Variants in PDGFRL observed in about 807,000 individuals in gnomAD.
The protein encoded by PDGFRL is platelet-derived growth factor receptor-like protein.
Under a neutral mutation model 37.2 loss-of-function variants are expected in PDGFRL, and 46 were observed. The observed-to-expected ratio is 1.24, with a 90% CI of 0.98 to 1.58. PDGFRL has a LOEUF of 1.58. Ranked by LOEUF, PDGFRL falls within the 40% of genes most tolerant of loss-of-function variation. PDGFRL has a pLI of 0.00. For missense variants in PDGFRL, 692 were observed against 467.6 expected (o/e 1.48, Z -4.43); for synonymous variants, 251 against 184.3 (o/e 1.36, Z -2.93).
Position 17,642,692 on chromosome 8 carries a change from G to A in PDGFRL, c.1019G>A (p.Ser340Asn). The A allele has an allele frequency of 6.2e-7, 1 of 1,603,462 alleles. No homozygotes were observed. Among genetic ancestry groups the A allele is most frequent in the Non-Finnish European group, 8.5e-7 (1 of 1,170,192 alleles). The change falls in exon 6 of 6, where the codon AGT (serine) becomes AAT (asparagine). Residue 340 changes from serine (S) to asparagine (N), a missense_variant. Ser to Asn is a conservative substitution (Grantham distance 46). Coordinates refer to ENST00000251630, the MANE Select transcript of PDGFRL (RefSeq NM_001372073.1). ...GGACACACCACGAGAATCTCCCAGA[G>A]TGTCATTACAGTGGAAGACTTTGAG... ...GLGHTTRISQ[S>N]VITVEDFETI...
intron 2 of PDGFRL, among the ~76,000 whole-genome samples, chr8:17,606,481 C>T (rs1247527222): frequency 1.3e-5 from 2 of 152,190 alleles, no homozygotes. Flanking sequence ...TAATACTTGC[C>T]TTCAAATGGT....
At chr8:17,640,528 C>G (rs981719238) in intron 5 of PDGFRL, among the ~76,000 whole-genome samples, 10 of 152,230 alleles carry the variant, frequency 6.6e-5, no homozygotes, top group Admixed American at 3.3e-4. Flanking sequence ...GAGAGCCAAA[C>G]TGCAGTGATT....
At chr8:17,576,483 A>G (rs1803582319), upstream of PDGFRL, 1 of 154,322 alleles carries the variant, frequency 6.5e-6, no homozygotes, top group East Asian at 1.9e-4. Context: ...GTGCCGCCTA[A>G]TCATGCCTAG....
At chr8:17,613,165 C>G (rs2129727961) in intron 2 of PDGFRL, among the ~76,000 whole-genome samples, 1 of 152,248 alleles carries the variant, frequency 6.6e-6, no homozygotes, top group Non-Finnish European at 1.5e-5. Flanking sequence ...GCAAGGATCT[C>G]TTCCTCTGGG....
intron 5 of PDGFRL, 29 bp from the exon 6 acceptor site, chr8:17,642,584 C>G (rs756480482): frequency 1.9e-5 from 28 of 1,457,266 alleles, no homozygotes; most frequent in Non-Finnish European, 2.7e-5. Flanking sequence ...GTCCCTCTTG[C>G]TTCAGTCTTT....
intron 2 of PDGFRL, among the ~76,000 whole-genome samples, chr8:17,597,742 C>T (rs769506725): frequency 4.6e-5 from 7 of 152,008 alleles, no homozygotes; most frequent in East Asian, 3.9e-4. Context: ...TCTCTTCTTA[C>T]GGATTTTTCA....
Position 17,628,724 on chromosome 8 carries a change from C to T in PDGFRL, c.743C>T (p.Ala248Val), listed in dbSNP as rs138731153. ...SEHQGVVYCRAEAGGRSQISV... is the reference protein window; with the variant it reads ...SEHQGVVYCRVEAGGRSQISV... ...CACCAGGGTGTGGTTTACTGCAGGG[C>T]GGAGGCCGGGGGCAGATCTCAGATC... The change falls in exon 4 of 6, where the codon GCG (alanine) becomes GTG (valine). Residue 248 changes from alanine to valine, a missense_variant. Coordinates refer to ENST00000251630, the MANE Select transcript of PDGFRL (RefSeq NM_001372073.1). 13 of 1,613,840 alleles carry T rather than the reference C, an allele frequency of 8.1e-6. No homozygotes were observed. The highest frequency in any genetic ancestry group is 3.3e-4 in the Middle Eastern group (2 of 6,082).
chr8:17,578,681 C>T (rs1049126976), intron 1 of PDGFRL, among the ~76,000 whole-genome samples: 35 of 152,234 alleles, frequency 2.3e-4, no homozygotes, highest in African/African-American at 8.2e-4. Context: ...ACCCAACTTG[C>T]CAGTCTTAGA....
At chr8:17,605,831 G>A (rs897846777) in intron 2 of PDGFRL, among the ~76,000 whole-genome samples, 9 of 152,212 alleles carry the variant, frequency 5.9e-5, no homozygotes, top group Admixed American at 5.2e-4. Flanking sequence ...GAGTTGGGAG[G>A]AGTGCGTGGG....
intron 5 of PDGFRL, among the ~76,000 whole-genome samples, chr8:17,637,329 G>T (rs1431451770): frequency 6.6e-6 from 1 of 152,088 alleles, no homozygotes; most frequent in Non-Finnish European, 1.5e-5. Flanking sequence ...TTGTGTGTCT[G>T]TTGAGATGAT....
Position 17,589,588 on chromosome 8 carries a change from A to G in PDGFRL, c.176A>G (p.Asn59Ser), listed in dbSNP as rs781434598. The G allele has an allele frequency of 2.5e-6, 4 of 1,614,068 alleles. No homozygotes were observed. The highest frequency in any genetic ancestry group is 3.4e-6 in the Non-Finnish European group (4 of 1,179,928). ...IPKMKDRDSA[N>S]SAPKTQSIMM... Reference sequence around the variant, plus strand: ...AAAATGAAGGACAGGGACTCAGCCAATTCAGCACCAAAGACGCAGTCTATC... The same window carrying G: ...AAAATGAAGGACAGGGACTCAGCCAGTTCAGCACCAAAGACGCAGTCTATC... Residue 59 changes from asparagine to serine, a missense_variant, in exon 2 of 6, where the codon AAT becomes AGT. Asn to Ser is a conservative substitution (Grantham distance 46). Coordinates refer to ENST00000251630, the MANE Select transcript of PDGFRL (RefSeq NM_001372073.1).
intron 2 of PDGFRL, among the ~76,000 whole-genome samples, chr8:17,607,286 G>A (rs773877117): frequency 8.8e-5 from 13 of 148,216 alleles, no homozygotes; most frequent in Non-Finnish European, 2.0e-4. Flanking sequence ...CCCATTGCTC[G>A]TCGATCTAGT....
intron 1 of PDGFRL, among the ~76,000 whole-genome samples, chr8:17,580,668 C>T (rs1803686769): frequency 6.6e-6 from 1 of 152,116 alleles, no homozygotes; most frequent in African/African-American, 2.4e-5. Context: ...GAATCAGGGT[C>T]TATTAGGTTC....
chr8:17,576,439 G>C (rs1456529248), upstream of PDGFRL: 1 of 152,842 alleles, frequency 6.5e-6, no homozygotes, highest in Non-Finnish European at 1.5e-5. Flanking sequence ...GGAAACTTCT[G>C]CCTTGTTATC....
chr8:17,632,317 C>G (rs1166172620), intron 4 of PDGFRL, among the ~76,000 whole-genome samples: 1 of 151,940 alleles, frequency 6.6e-6, no homozygotes, highest in Non-Finnish European at 1.5e-5. Flanking sequence ...TTTTCTTTCT[C>G]CACTCCATTT....
At chr8:17,638,781 A>ATATG (rs1805031577) in intron 5 of PDGFRL, among the ~76,000 whole-genome samples, 1 of 100,768 alleles carries the variant, frequency 9.9e-6, no homozygotes, top group Non-Finnish European at 2.0e-5. Context: ...ATATATATAT[A>ATATG]TATATAATTG....
chr8:17,581,285 T>A lies in PDGFRL; in HGVS notation c.55+3978T>A, dbSNP rs538149227. Among the ~76,000 whole-genome samples the A allele has an allele frequency of 1.6e-4, 25 of 152,166 alleles. No homozygotes were observed. The East Asian group carries it at 4.8e-3, about 29-fold the overall frequency. On this transcript the variant is annotated intron_variant, in intron 1 of 5. Transcript: ENST00000251630. ...CACTCCAGGGGCACCACAAAGGCAA[T>A]AGCTTCAAGATGGGCTTGTACCGGT...
At chr8:17,605,086 C>T (rs1268419944) in intron 2 of PDGFRL, among the ~76,000 whole-genome samples, 2 of 152,078 alleles carry the variant, frequency 1.3e-5, no homozygotes, top group South Asian at 2.1e-4. Flanking sequence ...CACTGCGCTC[C>T]AGCTTGGGCA....
In PDGFRL at chr8:17,628,544, C is replaced by T. The variant is rs746415894; in HGVS notation, c.563C>T (p.Pro188Leu). The T allele has an allele frequency of 2.5e-6, 4 of 1,613,828 alleles. No homozygotes were observed. The highest frequency in any genetic ancestry group is 1.1e-5 in the South Asian group (1 of 91,076). ...PSYFDVVYLN[P>L]DRQAVVPCRV... ...TACTTCGATGTTGTCTACTTGAACC[C>T]GGACAGACAGGCTGTGGTTCCTTGT... Residue 188 changes from proline to leucine, a missense_variant, in exon 4 of 6, where the codon CCG becomes CTG. By Grantham distance (98) the Pro-to-Leu change is moderately conservative. Coordinates refer to ENST00000251630, the MANE Select transcript of PDGFRL (RefSeq NM_001372073.1).
Sources: allele counts gnomAD v4.1 joint callset (sites outside exome capture counted in the v4.1 genomes callset), GRCh38; gene constraint gnomAD v4.1.1; transcripts MANE v1.5; gene names NCBI Gene and HGNC (gene_info 2026-07-23, HGNC 2026-07-21).